The following AUH variants were observed in gnomAD, a reference collection of about 807,000 sequenced individuals.
AUH encodes AU RNA binding methylglutaconyl-CoA hydratase, also known as methylglutaconyl-CoA hydratase, mitochondrial.
Under a neutral mutation model 42.3 loss-of-function variants are expected in AUH, and 29 were observed. That is an observed-to-expected ratio of 0.69 (90% confidence interval 0.51 to 0.93). AUH has a LOEUF of 0.93. Ranked by LOEUF, AUH falls within the 40% of genes least tolerant of loss-of-function variation. The pLI is 0.00. For missense variants in AUH, 452 were observed against 438.1 expected, an observed-to-expected ratio of 1.03 and a Z score of -0.28; for synonymous variants, 174 against 166.4, an observed-to-expected ratio of 1.05 and a Z score of -0.35.
intron 3 of AUH, among the ~76,000 whole-genome samples, chr9:91,353,667 G>A (rs1832171181): frequency 6.6e-6 from 1 of 151,740 alleles, no homozygotes. Context: ...GTGAAACCCT[G>A]TCTCTACTAA....
At chr9:91,239,338 G>A (rs1358835774) in intron 6 of AUH, among the ~76,000 whole-genome samples, 1 of 152,152 alleles carries the variant, frequency 6.6e-6, no homozygotes, top group Non-Finnish European at 1.5e-5. Flanking sequence ...TACCACTTTT[G>A]AATTACTTAT....
chr9:91,259,895 A>C (rs969068016), intron 6 of AUH, among the ~76,000 whole-genome samples: 6 of 152,076 alleles, frequency 3.9e-5, no homozygotes, highest in Non-Finnish European at 8.8e-5. Flanking sequence ...TCTTCTGTTG[A>C]GTTCTCCGAA....
At chr9:91,247,526 G>T (rs937773544) in intron 6 of AUH, among the ~76,000 whole-genome samples, 1 of 152,054 alleles carries the variant, frequency 6.6e-6, no homozygotes, top group Non-Finnish European at 1.5e-5. Flanking sequence ...TGGGGCTCTG[G>T]CACAAGGAAT....
chr9:91,273,992 G>A (rs1825357960), intron 6 of AUH, among the ~76,000 whole-genome samples: 1 of 152,158 alleles, frequency 6.6e-6, no homozygotes, highest in Admixed American at 6.5e-5. Flanking sequence ...TGAGTCTAAG[G>A]ATTAAAAATA....
chr9:91,340,769 C>T (rs1277910321), intron 3 of AUH, among the ~76,000 whole-genome samples: 1 of 152,168 alleles, frequency 6.6e-6, no homozygotes, highest in Non-Finnish European at 1.5e-5. Flanking sequence ...GTAACTGACC[C>T]CTGCTCCTCC....
chr9:91,336,817 T>C (rs74549720), intron 3 of AUH, among the ~76,000 whole-genome samples: 1 of 152,198 alleles, frequency 6.6e-6, no homozygotes, highest in Non-Finnish European at 1.5e-5. Context: ...TTCTTGGACT[T>C]GCACTGTAGA....
At chr9:91,337,401 T>C (rs1438780618) in intron 3 of AUH, among the ~76,000 whole-genome samples, 1 of 152,126 alleles carries the variant, frequency 6.6e-6, no homozygotes, top group Non-Finnish European at 1.5e-5. Flanking sequence ...CTCCCCACAG[T>C]CCATATACTT....
chr9:91,342,427 A>G (rs531671911), intron 3 of AUH, among the ~76,000 whole-genome samples: 4 of 152,280 alleles, frequency 2.6e-5, no homozygotes, highest in Middle Eastern at 3.4e-3. Context: ...AGGTTCCAGC[A>G]TTAGGACGTG....
rs1194639501 is a variant in AUH, at chr9:91,216,114, TA to T, written c.895-9del. On this transcript the variant is annotated splice_polypyrimidine_tract_variant and intron_variant, in intron 8 of 9. Coordinates refer to ENST00000375731, the MANE Select transcript of AUH (RefSeq NM_001698.3). ...CCCTGTTACTAAATCGACCTGAGAATAAAAACATAATCCATTTCAGCAGAAA... is the reference window on the plus strand; with the variant it reads ...CCCTGTTACTAAATCGACCTGAGAATAAAACATAATCCATTTCAGCAGAAA... 8 of 1,611,596 alleles carry T rather than the reference TA, an allele frequency of 5.0e-6. No homozygotes were observed. The highest frequency in any genetic ancestry group is 5.9e-6 in the Non-Finnish European group (7 of 1,178,288).
At chr9:91,336,190 T>A (rs1830674008) in intron 3 of AUH, among the ~76,000 whole-genome samples, 1 of 152,216 alleles carries the variant, frequency 6.6e-6, no homozygotes, top group African/African-American at 2.4e-5. Context: ...TATTTTATAT[T>A]TTCCTGGCAT....
intron 6 of AUH, among the ~76,000 whole-genome samples, chr9:91,229,304 T>A (rs576504165): frequency 6.7e-6 from 1 of 149,104 alleles, no homozygotes; most frequent in African/African-American, 2.5e-5. Context: ...TTTACCATTA[T>A]GTAATGGCCT....
chr9:91,216,556 T>A (rs1826832036), intron 8 of AUH, among the ~76,000 whole-genome samples: 1 of 152,204 alleles, frequency 6.6e-6, no homozygotes, highest in African/African-American at 2.4e-5. Context: ...CAAATACTTT[T>A]GCAAATTTAT....
intron 3 of AUH, among the ~76,000 whole-genome samples, chr9:91,346,778 T>C (rs1157571488): frequency 1.3e-5 from 2 of 151,664 alleles, no homozygotes; most frequent in African/African-American, 4.9e-5. Flanking sequence ...GGGCAACCCA[T>C]ATGTCTGAAA....
chr9:91,252,632 G>C (rs929724485), intron 6 of AUH, among the ~76,000 whole-genome samples: 5 of 152,128 alleles, frequency 3.3e-5, no homozygotes, highest in South Asian at 4.1e-4. Flanking sequence ...GGGCAGGATG[G>C]CACCTGGATT....
intron 3 of AUH, among the ~76,000 whole-genome samples, chr9:91,336,232 T>C (rs929715780): frequency 6.6e-6 from 1 of 151,562 alleles, no homozygotes; most frequent in Non-Finnish European, 1.5e-5. Context: ...CACACATACA[T>C]ACAAACACAT....
intron 6 of AUH, among the ~76,000 whole-genome samples, chr9:91,276,156 C>T (rs1825523404): frequency 6.6e-6 from 1 of 152,070 alleles, no homozygotes; most frequent in African/African-American, 2.4e-5. Flanking sequence ...AGGTCGAGCG[C>T]GGTGGCTCAT....
At chr9:91,298,597 C>T (rs1827537277) in intron 4 of AUH, among the ~76,000 whole-genome samples, 1 of 152,162 alleles carries the variant, frequency 6.6e-6, no homozygotes, top group Admixed American at 6.5e-5. Context: ...GTGAGGAGCC[C>T]TAACATTATG....
At chr9:91,236,798 CTG>C (rs1303894665) in intron 6 of AUH, among the ~76,000 whole-genome samples, 3 of 152,136 alleles carry the variant, frequency 2.0e-5, no homozygotes, top group Non-Finnish European at 4.4e-5. Context: ...AATAAATTTT[CTG>C]TGTTTTAAAA....
chr9:91,297,924 T>C, intron 5 of AUH, 60 bp downstream of exon 5: 3 of 1,281,260 alleles, frequency 2.3e-6, no homozygotes, highest in Non-Finnish European at 3.4e-6. Context: ...TAAAATTACC[T>C]GAAGAGTAAA....
Sources: allele counts gnomAD v4.1 joint callset (sites outside exome capture counted in the v4.1 genomes callset), GRCh38; gene constraint gnomAD v4.1.1; transcripts MANE v1.5; gene names NCBI Gene and HGNC (gene_info 2026-07-23, HGNC 2026-07-21).